The following LRRTM4 variants were observed in gnomAD, a reference collection of about 807,000 sequenced individuals.
LRRTM4 encodes leucine-rich repeat transmembrane neuronal protein 4.
A neutral mutation model predicts 47.6 loss-of-function variants in LRRTM4; 25 were observed. The observed-to-expected ratio is 0.53, with a 90% CI of 0.38 to 0.73. The LOEUF (loss-of-function observed/expected upper bound fraction) is 0.73, where lower values mean the gene tolerates loss of function less well. LRRTM4 is among the 30% of genes least tolerant of loss of function. The pLI is 0.00. For synonymous variants in LRRTM4, 311 were observed against 269.5 expected (o/e 1.15, Z -1.51); for missense variants, 638 against 713.4 (o/e 0.89, Z 1.20).
At chr2:76,828,002 A>T (rs932487964) in intron 3 of LRRTM4, among the ~76,000 whole-genome samples, 19 of 151,952 alleles carry the variant, frequency 1.3e-4, no homozygotes, top group African/African-American at 4.1e-4. Flanking sequence ...GGAAATAGTG[A>T]TGGAATAAAA....
At chr2:77,427,838 T>C (rs1206415922) in intron 3 of LRRTM4, among the ~76,000 whole-genome samples, 1 of 152,172 alleles carries the variant, frequency 6.6e-6, no homozygotes, top group Non-Finnish European at 1.5e-5. Context: ...ACATACCATA[T>C]AACATTTAAA....
chr2:77,182,956 T>C (rs895132753), intron 3 of LRRTM4, among the ~76,000 whole-genome samples: 2 of 152,148 alleles, frequency 1.3e-5, no homozygotes, highest in African/African-American at 4.8e-5. Context: ...AAGACTTACA[T>C]GTTAGACCTA....
intron 3 of LRRTM4, among the ~76,000 whole-genome samples, chr2:77,112,633 CT>C (rs34708943): frequency 2.8e-4 from 41 of 145,958 alleles, no homozygotes; most frequent in South Asian, 6.6e-4. Flanking sequence ...GTATAATAAG[CT>C]TTTTTTTTTG....
chr2:77,233,621 G>GT (rs1401252354), intron 3 of LRRTM4, among the ~76,000 whole-genome samples: 1 of 152,058 alleles, frequency 6.6e-6, no homozygotes, highest in African/African-American at 2.4e-5. Flanking sequence ...ACATTTCAGT[G>GT]TTTTTCTCAC....
intron 3 of LRRTM4, among the ~76,000 whole-genome samples, chr2:77,317,825 T>C (rs1412737490): frequency 6.6e-6 from 1 of 152,064 alleles, no homozygotes; most frequent in Non-Finnish European, 1.5e-5. Flanking sequence ...GCCTATTGAT[T>C]ACCAAAAGAA....
At chr2:76,922,034 T>G (rs1360867652) in intron 3 of LRRTM4, among the ~76,000 whole-genome samples, 3 of 152,086 alleles carry the variant, frequency 2.0e-5, no homozygotes, top group Admixed American at 2.0e-4. Flanking sequence ...AAAAGAAATG[T>G]GACATATACA....
chr2:76,879,644 G>T lies in LRRTM4; in HGVS notation c.1552-130728C>A, dbSNP rs542731896. 1.3e-3 allele frequency among the ~76,000 whole-genome samples: 192 copies of T among 152,236 alleles called. 1 individual carries two copies. The highest frequency in any genetic ancestry group is 4.5e-3 in the African/African-American group (187 of 41,544). ...CTCAGTATCCTTTCTTCAGCCCATG[G>T]ATCAAATAATTTTGATTTGAGAACA... On this transcript the variant is annotated intron_variant, in intron 3 of 3. Coordinates refer to ENST00000409884, the MANE Select transcript of LRRTM4 (RefSeq NM_001134745.3).
chr2:77,465,037 C>A (rs1676931253), intron 3 of LRRTM4, among the ~76,000 whole-genome samples: 1 of 152,038 alleles, frequency 6.6e-6, no homozygotes. Context: ...TGTTGGAGAA[C>A]AAAAATTATG....
At chr2:77,193,154 C>T (rs1461158476) in intron 3 of LRRTM4, among the ~76,000 whole-genome samples, 1 of 152,140 alleles carries the variant, frequency 6.6e-6, no homozygotes, top group Non-Finnish European at 1.5e-5. Context: ...CAATTGCCTA[C>T]AGTATTTAAT....
At chr2:77,197,573 G>A (rs772686641) in intron 3 of LRRTM4, among the ~76,000 whole-genome samples, 1 of 152,176 alleles carries the variant, frequency 6.6e-6, no homozygotes, top group East Asian at 1.9e-4. Context: ...AAAGAATTGA[G>A]GTCAATCTAT....
At chr2:77,327,270 A>G (rs977765546) in intron 3 of LRRTM4, among the ~76,000 whole-genome samples, 2 of 152,240 alleles carry the variant, frequency 1.3e-5, no homozygotes, top group Non-Finnish European at 2.9e-5. Flanking sequence ...ATGCTATGAT[A>G]GATTTTAAAA....
intron 3 of LRRTM4, among the ~76,000 whole-genome samples, chr2:77,021,420 A>G (rs953387323): frequency 1.3e-5 from 2 of 152,190 alleles, no homozygotes; most frequent in East Asian, 1.9e-4. Flanking sequence ...ACACATTAAG[A>G]CATCAAGATA....
At chr2:77,082,730 CAG>C (rs939232495) in intron 3 of LRRTM4, among the ~76,000 whole-genome samples, 2 of 151,872 alleles carry the variant, frequency 1.3e-5, no homozygotes, top group South Asian at 2.1e-4. Context: ...GAATTAATGT[CAG>C]AGAAAAAAAG....
chr2:76,911,199 A>G (rs1418460971), intron 3 of LRRTM4, among the ~76,000 whole-genome samples: 1 of 152,222 alleles, frequency 6.6e-6, no homozygotes, highest in Non-Finnish European at 1.5e-5. Flanking sequence ...CGAGTTTGAA[A>G]AGGAAACCTT....
rs531337488 is a variant in LRRTM4, at chr2:77,109,336, A to C, written c.1552-360420T>G. Among the ~76,000 whole-genome samples the C allele has an allele frequency of 2.0e-3, 312 of 152,344 alleles. 1 individual carries two copies. Among genetic ancestry groups the C allele is most frequent in the African/African-American group, 7.2e-3 (298 of 41,586 alleles). On this transcript the variant is annotated intron_variant, in intron 3 of 3. Coordinates refer to ENST00000409884, the MANE Select transcript of LRRTM4 (RefSeq NM_001134745.3). ...GGAATGTGAAAAAAAATGAAGTTTC[A>C]ATTAGAAAATTAGGAGGAAGGCTAA...
chr2:77,022,920 C>G (rs1385860339), intron 3 of LRRTM4, among the ~76,000 whole-genome samples: 1 of 152,180 alleles, frequency 6.6e-6, no homozygotes, highest in Non-Finnish European at 1.5e-5. Context: ...ACTAGGCAGT[C>G]CCCAGTAGGG....
intron 3 of LRRTM4, among the ~76,000 whole-genome samples, chr2:77,077,268 C>T (rs1232659809): frequency 1.3e-5 from 2 of 152,064 alleles, no homozygotes; most frequent in Non-Finnish European, 2.9e-5. Context: ...CACTAAGTGA[C>T]TTATCCATAC....
intron 3 of LRRTM4, among the ~76,000 whole-genome samples, chr2:77,170,894 A>G (rs952901112): frequency 1.3e-5 from 2 of 150,878 alleles, no homozygotes; most frequent in Non-Finnish European, 3.0e-5. Flanking sequence ...ACATACCCAT[A>G]TATTATATGT....
intron 3 of LRRTM4, among the ~76,000 whole-genome samples, chr2:77,234,878 C>CACTT (rs1675062215): frequency 6.6e-6 from 1 of 152,120 alleles, no homozygotes; most frequent in Non-Finnish European, 1.5e-5. Context: ...GGTTTATCAA[C>CACTT]ACTTACCTCT....
Sources: gnomAD v4.1 joint callset for allele counts (sites outside exome capture counted in the v4.1 genomes callset) on GRCh38, gnomAD v4.1.1 for gene constraint, MANE v1.5 for transcripts, NCBI Gene and HGNC (gene_info 2026-07-23, HGNC 2026-07-21) for gene names.